The following N4BP2L2 variants were observed in gnomAD, a reference collection of about 807,000 sequenced individuals.
The protein encoded by N4BP2L2 is NEDD4 binding protein 2 like 2.
A neutral mutation model predicts 56.2 loss-of-function variants in N4BP2L2; 50 were observed. That is an observed-to-expected ratio of 0.89 (90% CI 0.71 to 1.13). The LOEUF is 1.13. Among genes scored for constraint, N4BP2L2 ranks in the 50% most tolerant of loss-of-function variants. The pLI, the probability that N4BP2L2 is intolerant of heterozygous loss-of-function variation, is 0.00. For synonymous variants in N4BP2L2, 203 were observed against 223.6 expected, an observed-to-expected ratio of 0.91 and a Z score of 0.82; for missense variants, 689 against 693.8, an observed-to-expected ratio of 0.99 and a Z score of 0.08.
chr13:32,451,488 A>G (rs2078008585), intron 6 of N4BP2L2, among the ~76,000 whole-genome samples: 1 of 152,108 alleles, frequency 6.6e-6, no homozygotes, highest in Non-Finnish European at 1.5e-5. Flanking sequence ...GAAAATTTAA[A>G]TGAAATGTAA....
Position 32,483,163 on chromosome 13 carries a change from A to C in N4BP2L2, c.365+34694T>G, listed in dbSNP as rs147307325. Among the ~76,000 whole-genome samples the C allele has an allele frequency of 1.2e-4, 18 of 152,344 alleles. No individual in the cohort carries two copies. In the East Asian group the frequency reaches 3.5e-3, roughly 29 times the overall value. On this transcript the variant is annotated intron_variant, in intron 6 of 9. Coordinates refer to the N4BP2L2 transcript ENST00000357505. ...TTAACTTGGGAAACCCTCTTCTTACACTTAGCCAGAGGCTATAATTCACAA... is the reference window on the plus strand; with the variant it reads ...TTAACTTGGGAAACCCTCTTCTTACCCTTAGCCAGAGGCTATAATTCACAA...
At chr13:32,490,296 G>C (rs1037204373) in intron 6 of N4BP2L2, among the ~76,000 whole-genome samples, 1 of 151,872 alleles carries the variant, frequency 6.6e-6, no homozygotes, top group Non-Finnish European at 1.5e-5. Flanking sequence ...CTACTGTTTT[G>C]TTTTTTTGTT....
At chr13:32,519,965 G>A (rs2050330844) in intron 5 of N4BP2L2, among the ~76,000 whole-genome samples, 4 of 151,928 alleles carry the variant, frequency 2.6e-5, no homozygotes, top group Non-Finnish European at 5.9e-5. Flanking sequence ...TAATTTTTAA[G>A]CTTCTGTCTC....
chr13:32,516,955 G>C (rs1391612901), exon 6 of N4BP2L2: 4 of 978,954 alleles, frequency 4.1e-6, no homozygotes, highest in Non-Finnish European at 4.9e-6. Context: ...TCCAGTGAGA[G>C]AAATATAATT....
chr13:32,464,743 A>G (rs1191590665), intron 6 of N4BP2L2, among the ~76,000 whole-genome samples: 1 of 152,220 alleles, frequency 6.6e-6, no homozygotes, highest in Admixed American at 6.5e-5. Flanking sequence ...AAGTACATCA[A>G]GAAATCCTAC....
At chr13:32,526,182 C>A (rs1161948863) in intron 3 of N4BP2L2, among the ~76,000 whole-genome samples, 3 of 152,102 alleles carry the variant, frequency 2.0e-5, no homozygotes, top group Admixed American at 6.6e-5. Context: ...ACAGGACAAA[C>A]AACATAGTTT....
At chr13:32,481,241 A>G (rs1219565718) in intron 6 of N4BP2L2, among the ~76,000 whole-genome samples, 1 of 152,056 alleles carries the variant, frequency 6.6e-6, no homozygotes, top group Non-Finnish European at 1.5e-5. Flanking sequence ...TTTAAATGAA[A>G]TCCACATATA....
chr13:32,532,596 T>C (rs1407300445), intron 2 of N4BP2L2, among the ~76,000 whole-genome samples: 2 of 148,140 alleles, frequency 1.4e-5, no homozygotes, highest in Non-Finnish European at 3.0e-5. Context: ...TTTTCTTTTT[T>C]TTTTTTTTTT....
chr13:32,477,959 T>C (rs985157514), intron 6 of N4BP2L2: 1 of 1,289,424 alleles, frequency 7.8e-7, no homozygotes, highest in Admixed American at 2.3e-5. Flanking sequence ...CTCTTGGTCA[T>C]GTCCTTGATT....
At chr13:32,441,994 T>A (rs1031163547) in intron 7 of N4BP2L2, among the ~76,000 whole-genome samples, 1 of 152,156 alleles carries the variant, frequency 6.6e-6, no homozygotes. Context: ...GAGAATGGCG[T>A]GAACCCGGGA....
chr13:32,517,821 C>T (rs1450672001), exon 6 of N4BP2L2: 3 of 1,613,196 alleles, frequency 1.9e-6, no homozygotes, highest in Non-Finnish European at 2.5e-6. Context: ...ATTTGTGACA[C>T]AGACACGATT....
chr13:32,439,786 G>T lies in N4BP2L2; in HGVS notation c.2105-1049C>A, dbSNP rs190625032. On this transcript the variant is annotated intron_variant, in intron 7 of 9. Transcript: ENST00000357505. ...CCAGCACTTTGGGAGGCCGAGGTGG[G>T]TGGATCATGAGGTCAGGAGTTGGAG... 1.6e-4 allele frequency among the ~76,000 whole-genome samples: 25 copies of T among 151,526 alleles called. No homozygotes were observed. The East Asian group carries it at 4.8e-3, about 29-fold the overall frequency.
intron 6 of N4BP2L2, among the ~76,000 whole-genome samples, chr13:32,455,280 G>A (rs1047634990): frequency 1.3e-5 from 2 of 152,266 alleles, no homozygotes; most frequent in African/African-American, 4.8e-5. Context: ...TGGGGCATGC[G>A]CAGTGTACCA....
intron 4 of N4BP2L2, 107 bp from the exon 5 acceptor site, chr13:32,521,556 C>T (rs1325755123): frequency 1.4e-6 from 1 of 693,010 alleles, no homozygotes; most frequent in Non-Finnish European, 2.5e-6. Flanking sequence ...ACTTGCTCGA[C>T]CAAGAAAAAT....
At chr13:32,521,793 T>C (rs2051013316) in intron 4 of N4BP2L2, 3 of 262,576 alleles carry the variant, frequency 1.1e-5, no homozygotes, top group East Asian at 1.1e-4. Context: ...CTGGCCAACA[T>C]GGTGAAACCC....
chr13:32,473,897 C>T (rs1468723475), intron 6 of N4BP2L2, among the ~76,000 whole-genome samples: 1 of 152,144 alleles, frequency 6.6e-6, no homozygotes, highest in Non-Finnish European at 1.5e-5. Context: ...ACCTTAATTC[C>T]CCTTTGCCAT....
At chr13:32,484,542 G>A (rs931417844) in intron 6 of N4BP2L2, among the ~76,000 whole-genome samples, 1 of 151,898 alleles carries the variant, frequency 6.6e-6, no homozygotes, top group Non-Finnish European at 1.5e-5. Context: ...GGAGTGCAAT[G>A]ACGTGATCTC....
At chr13:32,497,709 C>G (rs1405585367) in intron 6 of N4BP2L2, among the ~76,000 whole-genome samples, 1 of 152,212 alleles carries the variant, frequency 6.6e-6, no homozygotes, top group East Asian at 1.9e-4. Flanking sequence ...GAATGAGCCC[C>G]ATACAAATAT....
chr13:32,469,255 C>G (rs1401637054), intron 6 of N4BP2L2, among the ~76,000 whole-genome samples: 1 of 152,170 alleles, frequency 6.6e-6, no homozygotes, highest in East Asian at 1.9e-4. Flanking sequence ...GTGGCTGCAT[C>G]ATGGGCTGTG....
Sources: gnomAD v4.1 joint callset for allele counts (sites outside exome capture counted in the v4.1 genomes callset) on GRCh38, gnomAD v4.1.1 for gene constraint, MANE v1.5 for transcripts, NCBI Gene and HGNC (gene_info 2026-07-23, HGNC 2026-07-21) for gene names.